The following ENPEP variants were observed in gnomAD, a reference collection of about 807,000 sequenced individuals.
ENPEP encodes the protein AP-A.
Under a neutral mutation model 114.5 loss-of-function variants are expected in ENPEP, and 103 were observed. The ratio of observed to expected loss-of-function variants is 0.90; its 90% CI spans 0.77 to 1.06. The LOEUF is 1.06. ENPEP is among the 50% of genes least tolerant of loss of function. The probability of loss-of-function intolerance (pLI) is 0.00; values close to 1 mark genes in which losing one functional copy is unlikely to be tolerated. For synonymous variants in ENPEP, 420 were observed against 422.0 expected (o/e 1.00, Z 0.06); for missense variants, 1,196 against 1,161.3 (o/e 1.03, Z -0.43).
chr4:110,554,608 G>A lies in ENPEP; in HGVS notation c.2642+1153G>A, dbSNP rs114717648. ...TCTTTTATGATTGTTTAAATGAAATGCTTAATTTAGAATGAATGAATATAC... is the reference window on the plus strand; with the variant it reads ...TCTTTTATGATTGTTTAAATGAAATACTTAATTTAGAATGAATGAATATAC... On this transcript the variant is annotated intron_variant, in intron 18 of 19. Transcript: ENST00000265162. Among the ~76,000 whole-genome samples the A allele has an allele frequency of 8.7e-3, 1,323 of 152,066 alleles. 19 individuals carry two copies. Among genetic ancestry groups the A allele is most frequent in the African/African-American group, 0.031 (1,267 of 41,528 alleles).
Position 110,514,415 on chromosome 4 carries a change from T to A in ENPEP, c.1443+866T>A, listed in dbSNP as rs550475799. Among the ~76,000 whole-genome samples the A allele has an allele frequency of 1.2e-3, 184 of 152,218 alleles. 2 individuals carry two copies. Among genetic ancestry groups the A allele is most frequent in the African/African-American group, 4.3e-3 (177 of 41,582 alleles). On this transcript the variant is annotated intron_variant, in intron 7 of 19. Transcript: ENST00000265162. The stretch of plus-strand genomic sequence containing the variant: ...TTTCCCTCTCATATGATTCCCATGG[T>A]GTATGTTCAGCCTTCTTGTATTCAT...
At chr4:110,503,817 G>A (rs1725254572) in intron 3 of ENPEP, among the ~76,000 whole-genome samples, 2 of 152,196 alleles carry the variant, frequency 1.3e-5, no homozygotes, top group South Asian at 4.1e-4. Context: ...CATGTCCTTT[G>A]TTTCTCAGGG....
chr4:110,560,618 A>G (rs1727645111), intron 19 of ENPEP, among the ~76,000 whole-genome samples: 1 of 152,214 alleles, frequency 6.6e-6, no homozygotes, highest in Non-Finnish European at 1.5e-5. Context: ...CAGACAGTTC[A>G]GCTCATGAAA....
At chr4:110,504,672 T>C (rs546745614) in intron 3 of ENPEP, among the ~76,000 whole-genome samples, 1 of 152,348 alleles carries the variant, frequency 6.6e-6, no homozygotes, top group East Asian at 1.9e-4. Flanking sequence ...TGCTTTTATT[T>C]TGATTGAATT....
Position 110,561,536 on chromosome 4 carries a change from T to C in ENPEP, c.2852T>C (p.Phe951Ser), listed in dbSNP as rs144996738. 363 of 1,613,564 alleles carry C rather than the reference T, an allele frequency of 2.2e-4. 4 individuals are homozygous for C. In the African/African-American group the frequency reaches 4.1e-3, roughly 18 times the overall value. The change falls in exon 20 of 20, where the codon TTT (phenylalanine) becomes TCT (serine). Residue 951 changes from phenylalanine (F) to serine (S), a missense_variant. Coordinates refer to ENST00000265162, the MANE Select transcript of ENPEP (RefSeq NM_001977.4). ...AGAAACACCATCAGAGAATGGTTTT[T>C]TAATTTACTTGAGAGTGGTTAATGT... ...QHRNTIREWF[F>S]NLLESG
chr4:110,482,017 T>G (rs955692562), intron 1 of ENPEP, among the ~76,000 whole-genome samples: 1 of 152,072 alleles, frequency 6.6e-6, no homozygotes, highest in East Asian at 1.9e-4. Flanking sequence ...ATGAACAGGC[T>G]AGCTAGATAT....
chr4:110,527,899 T>TCC (rs1200184409), intron 10 of ENPEP, among the ~76,000 whole-genome samples: 1 of 152,212 alleles, frequency 6.6e-6, no homozygotes. Flanking sequence ...AAGGAGTTTT[T>TCC]TTAATTAATG....
At chr4:110,561,376 C>T (rs1476616212) in intron 19 of ENPEP, 30 bp from the exon 20 acceptor site, 1 of 1,604,528 alleles carries the variant, frequency 6.2e-7, no homozygotes, top group Non-Finnish European at 8.5e-7. Context: ...CTATAAATGA[C>T]AATCCTAATT....
intron 3 of ENPEP, 93 bp from the exon 4 acceptor site, chr4:110,506,544 C>A: frequency 7.4e-7 from 1 of 1,349,946 alleles, no homozygotes; most frequent in Non-Finnish European, 9.9e-7. Context: ...GCTCCAAAGC[C>A]CACTTTCTTT....
intron 18 of ENPEP, among the ~76,000 whole-genome samples, chr4:110,556,078 T>A (rs1270981167): frequency 4.6e-5 from 7 of 152,026 alleles, no homozygotes; most frequent in Non-Finnish European, 1.5e-5. Context: ...ACAGAAATTA[T>A]AGAAGGTCAC....
intron 10 of ENPEP, among the ~76,000 whole-genome samples, chr4:110,522,306 T>C (rs1020633452): frequency 4.6e-5 from 7 of 152,016 alleles, no homozygotes; most frequent in Non-Finnish European, 8.8e-5. Flanking sequence ...CTCAGCCTCC[T>C]GAGTAACTGA....
At chr4:110,536,794 T>G (rs1432217883) in intron 11 of ENPEP, among the ~76,000 whole-genome samples, 1 of 152,140 alleles carries the variant, frequency 6.6e-6, no homozygotes, top group Non-Finnish European at 1.5e-5. Context: ...TCATGATAAT[T>G]GGGTTGCATT....
intron 2 of ENPEP, 25 bp from the exon 3 acceptor site, chr4:110,491,008 A>T: frequency 6.3e-7 from 1 of 1,598,570 alleles, no homozygotes; most frequent in Non-Finnish European, 8.5e-7. Context: ...TTGATCGATA[A>T]AAGTTTATCT....
chr4:110,540,136 C>T (rs1414736263), intron 11 of ENPEP, among the ~76,000 whole-genome samples: 1 of 152,032 alleles, frequency 6.6e-6, no homozygotes, highest in East Asian at 1.9e-4. Context: ...TAAGTTGATA[C>T]AGCATGATAT....
intron 18 of ENPEP, among the ~76,000 whole-genome samples, chr4:110,554,674 T>C (rs1560571611): frequency 6.6e-6 from 1 of 152,076 alleles, no homozygotes; most frequent in Non-Finnish European, 1.5e-5. Context: ...ACAGTTTATA[T>C]CATGCAAGGT....
chr4:110,515,276 C>T, intron 7 of ENPEP, 101 bp from the exon 8 acceptor site: 1 of 990,032 alleles, frequency 1.0e-6, no homozygotes, highest in Non-Finnish European at 1.5e-6. Context: ...GAACTAATCT[C>T]ACAAATATGA....
intron 11 of ENPEP, among the ~76,000 whole-genome samples, chr4:110,535,846 G>A (rs1279346774): frequency 6.6e-6 from 1 of 152,078 alleles, no homozygotes; most frequent in Non-Finnish European, 1.5e-5. Flanking sequence ...AAGTTAGCCA[G>A]GCATAGCCAT....
In ENPEP at chr4:110,515,430, A is replaced by G; in HGVS notation, c.1497A>G (p.Gln499=). 1 of 1,591,816 alleles carries G rather than the reference A, an allele frequency of 6.3e-7. No homozygotes were observed. Among genetic ancestry groups the G allele is most frequent in the East Asian group, 2.2e-5 (1 of 44,568 alleles). Residue 499 remains glutamine, a synonymous_variant, in exon 8 of 20, where the codon CAA becomes CAG. Coordinates refer to ENST00000265162, the MANE Select transcript of ENPEP (RefSeq NM_001977.4). The part of the protein sequence containing the change: ...LEDWIKPENF[Q]KGCQMYLEKY... Reference sequence around the variant, plus strand: ...ACTGGATAAAACCAGAGAATTTTCAAAAAGGATGTCAGGTATGATTTATTA... The same window carrying G: ...ACTGGATAAAACCAGAGAATTTTCAGAAAGGATGTCAGGTATGATTTATTA...
At chr4:110,540,169 A>T (rs1025717988) in intron 11 of ENPEP, among the ~76,000 whole-genome samples, 9 of 152,158 alleles carry the variant, frequency 5.9e-5, no homozygotes, top group Admixed American at 1.3e-4. Context: ...TAGATTTCCA[A>T]ATATATAAAA....
Sources: gnomAD v4.1 joint callset for allele counts (sites outside exome capture counted in the v4.1 genomes callset) on GRCh38, gnomAD v4.1.1 for gene constraint, MANE v1.5 for transcripts, NCBI Gene and HGNC (gene_info 2026-07-23, HGNC 2026-07-21) for gene names.